MCC: variants seen among roughly 807,000 people sequenced by gnomAD.
The protein encoded by MCC is colorectal mutant cancer protein.
A neutral mutation model predicts 116.2 loss-of-function variants in MCC; 90 were observed. That is an observed-to-expected ratio of 0.77 (90% confidence interval 0.65 to 0.92). The LOEUF (loss-of-function observed/expected upper bound fraction) is 0.92, where lower values mean the gene tolerates loss of function less well. MCC is among the 40% of genes least tolerant of loss of function. MCC has a pLI of 0.00. For missense variants in MCC, 1,516 were observed against 1,312.2 expected (o/e 1.16, Z -2.40); for synonymous variants, 578 against 510.5 (o/e 1.13, Z -1.78).
At chr5:113,279,929 C>T (rs17135542) in intron 3 of MCC, among the ~76,000 whole-genome samples, 29,475 of 152,162 alleles carry the variant, frequency 0.19, 4,758 homozygotes, top group African/African-American at 0.41. Context: ...CTGTACCATA[C>T]TGCTTCACTA....
chr5:113,054,556 G>A (rs1033458344), intron 14 of MCC, among the ~76,000 whole-genome samples: 5 of 152,158 alleles, frequency 3.3e-5, no homozygotes, highest in African/African-American at 9.7e-5. Flanking sequence ...CCGTCCCTGC[G>A]GAGCAGCACC....
chr5:113,378,185 C>T (rs1769030561), intron 2 of MCC, among the ~76,000 whole-genome samples: 1 of 152,186 alleles, frequency 6.6e-6, no homozygotes, highest in Admixed American at 6.5e-5. Flanking sequence ...ATCAGGATAT[C>T]TCCTCATACT....
chr5:113,161,366 C>T (rs1197652267), intron 3 of MCC, among the ~76,000 whole-genome samples: 1 of 152,140 alleles, frequency 6.6e-6, no homozygotes, highest in Non-Finnish European at 1.5e-5. Context: ...ATTCTATGAA[C>T]ATGAATAAAA....
At chr5:113,412,311 A>G (rs987219639) in intron 1 of MCC, among the ~76,000 whole-genome samples, 18 of 152,182 alleles carry the variant, frequency 1.2e-4, no homozygotes, top group African/African-American at 3.9e-4. Context: ...CTGTGAAGAA[A>G]GTCATTGGTA....
intron 10 of MCC, among the ~76,000 whole-genome samples, chr5:113,083,556 G>C (rs1755004997): frequency 6.6e-6 from 1 of 152,172 alleles, no homozygotes; most frequent in Admixed American, 6.5e-5. Context: ...AATCCTAAAA[G>C]ATCCCTTAAA....
At chr5:113,240,735 C>T (rs572717792) in intron 3 of MCC, among the ~76,000 whole-genome samples, 2 of 152,118 alleles carry the variant, frequency 1.3e-5, no homozygotes, top group Admixed American at 6.6e-5. Flanking sequence ...TTTAAATCAC[C>T]CAGTTAATGT....
chr5:113,064,102 C>T lies in MCC; in HGVS notation c.2095G>A (p.Ala699Thr). Residue 699 changes from alanine to threonine, a missense_variant, in exon 14 of 19, where the codon GCT (alanine) becomes ACT (threonine). Transcript: ENST00000408903. Reference sequence around the variant, plus strand: ...AGCAGGGCCTTGGCAGCGTTCTCAGCTGTCTTCCGGCAGTCATGAGCTCGC... The same window carrying T: ...AGCAGGGCCTTGGCAGCGTTCTCAGTTGTCTTCCGGCAGTCATGAGCTCGC... The part of the protein sequence containing the change: ...LKRAHDCRKT[A>T]ENAAKALLMK... The T allele has an allele frequency of 1.9e-6, 3 of 1,614,222 alleles. No homozygotes were observed. The highest frequency in any genetic ancestry group is 1.7e-4 in the Middle Eastern group (1 of 6,060).
intron 8 of MCC, among the ~76,000 whole-genome samples, chr5:113,094,214 T>C (rs1465423696): frequency 6.6e-6 from 1 of 152,142 alleles, no homozygotes; most frequent in African/African-American, 2.4e-5. Context: ...TTCAGGATAG[T>C]GGTATTTTAT....
intron 11 of MCC, among the ~76,000 whole-genome samples, chr5:113,072,457 G>A (rs536805246): frequency 6.6e-5 from 10 of 152,248 alleles, no homozygotes; most frequent in Non-Finnish European, 1.2e-4. Context: ...AGTCTGTCCC[G>A]GCTAATTAGA....
intron 1 of MCC, 68 bp from the exon 2 acceptor site, chr5:113,385,280 G>GA (rs989124382): frequency 6.2e-3 from 8,019 of 1,284,154 alleles, no homozygotes; most frequent in Non-Finnish European, 7.1e-3. Flanking sequence ...ACTGGTTAAT[G>GA]AAAAAAAAAA....
chr5:113,196,235 G>A (rs556957386), intron 3 of MCC, among the ~76,000 whole-genome samples: 1 of 152,310 alleles, frequency 6.6e-6, no homozygotes, highest in African/African-American at 2.4e-5. Context: ...GGTTTTAGAA[G>A]CATTGCTGGA....
intron 3 of MCC, among the ~76,000 whole-genome samples, chr5:113,163,107 G>C (rs568224672): frequency 6.6e-6 from 1 of 152,210 alleles, no homozygotes; most frequent in South Asian, 2.1e-4. Flanking sequence ...CCTCATGCCC[G>C]CTTTGCACCC....
At chr5:113,085,132 C>T (rs757198105) in intron 9 of MCC, 32 bp downstream of exon 9, 4 of 1,613,502 alleles carry the variant, frequency 2.5e-6, no homozygotes, top group Non-Finnish European at 1.7e-6. Context: ...AGGAGGTGTT[C>T]CCGCTCATCG....
At chr5:113,388,244 A>C (rs2150394566) in intron 1 of MCC, among the ~76,000 whole-genome samples, 1 of 152,370 alleles carries the variant, frequency 6.6e-6, no homozygotes, top group South Asian at 2.1e-4. Context: ...CTACCAAATT[A>C]AGTCAAATTG....
rs1561358250 is a variant in MCC at position 113,108,872 on chromosome 5, G to A, written c.1028-4517C>T. 2.6e-5 allele frequency among the ~76,000 whole-genome samples: 4 copies of A among 152,304 alleles called. No individual in the cohort carries two copies. The South Asian group carries it at 6.2e-4, about 24-fold the overall frequency. On this transcript the variant is annotated intron_variant, in intron 6 of 18. Coordinates refer to ENST00000408903, the MANE Select transcript of MCC (RefSeq NM_001085377.2). ...AACCCCACAAACTCCAGTTTGTGCT[G>A]CAGAACTCTGCACTGTGGCTTCACA... is the stretch of plus-strand genomic sequence containing the variant.
intron 1 of MCC, among the ~76,000 whole-genome samples, chr5:113,417,261 C>A (rs1261179092): frequency 6.6e-6 from 1 of 152,166 alleles, no homozygotes; most frequent in Non-Finnish European, 1.5e-5. Context: ...AGCCACCGCA[C>A]CCAGCAGTGA....
rs568286331 is a variant in MCC at position 113,259,545 on chromosome 5, A to T, written c.627+80974T>A. Among the ~76,000 whole-genome samples, 5 of 152,310 alleles carry T rather than the reference A, an allele frequency of 3.3e-5. No homozygotes were observed. The South Asian group carries it at 1.0e-3, about 32-fold the overall frequency. On this transcript the variant is annotated intron_variant, in intron 3 of 18. Coordinates refer to ENST00000408903, the MANE Select transcript of MCC (RefSeq NM_001085377.2). ...ATTAATTGGAAAGTATTTTGCTCTT[A>T]ATGTGCTTCAGAAATTATTTGCAAA... is the stretch of plus-strand genomic sequence containing the variant.
intron 3 of MCC, among the ~76,000 whole-genome samples, chr5:113,291,530 T>C (rs1561510175): frequency 1.3e-5 from 2 of 152,170 alleles, no homozygotes; most frequent in African/African-American, 4.8e-5. Flanking sequence ...CCCAGGATAA[T>C]GGCAGGTATT....
chr5:113,052,673 G>C (rs950676559), intron 15 of MCC, among the ~76,000 whole-genome samples: 2 of 152,100 alleles, frequency 1.3e-5, no homozygotes, highest in African/African-American at 2.4e-5. Flanking sequence ...TCCCTGCTGC[G>C]GACAGTACTG....
Sources: allele counts gnomAD v4.1 joint callset (sites outside exome capture counted in the v4.1 genomes callset), GRCh38; gene constraint gnomAD v4.1.1; transcripts MANE v1.5; gene names NCBI Gene and HGNC (gene_info 2026-07-23, HGNC 2026-07-21).